FLYWCH1: variants seen among roughly 807,000 people sequenced by gnomAD.
FLYWCH1 encodes FLYWCH-type zinc finger 1, also known as FLYWCH-type zinc finger-containing protein 1.
Under a neutral mutation model 66.4 loss-of-function variants are expected in FLYWCH1, and 75 were observed. The observed-to-expected ratio is 1.13, with a 90% confidence interval of 0.94 to 1.37. The LOEUF is 1.37. FLYWCH1 is among the 40% of genes most tolerant of loss of function. The pLI, the probability that FLYWCH1 is intolerant of heterozygous loss-of-function variation, is 0.00. For missense variants in FLYWCH1, 1,334 were observed against 1,001.8 expected (o/e 1.33, Z -4.48); for synonymous variants, 595 against 429.9 (o/e 1.38, Z -4.75).
rs1158678799 is a variant in FLYWCH1, at chr16:2,929,755, C to G, written c.70C>G (p.Pro24Ala). The change falls in exon 3 of 10, where the codon CCA (proline) becomes GCA (alanine). Residue 24 changes from proline (P) to alanine (A), a missense_variant. By Grantham distance (27) the Pro-to-Ala change is conservative. Coordinates refer to ENST00000253928, the MANE Select transcript of FLYWCH1 (RefSeq NM_001308068.2). ...VKAGQEPSPKPGTDVIPAAPR... is the reference protein window; with the variant it reads ...VKAGQEPSPKAGTDVIPAAPR... ...GGCCGGCCAGGAGCCATCCCCCAAGCCAGGCACGGACGTCATCCCGGCAGC... is the reference window on the plus strand; with the variant it reads ...GGCCGGCCAGGAGCCATCCCCCAAGGCAGGCACGGACGTCATCCCGGCAGC... The G allele has an allele frequency of 6.2e-7, 1 of 1,613,862 alleles. No homozygotes were observed. Among genetic ancestry groups the G allele is most frequent in the Admixed American group, 1.7e-5 (1 of 60,024 alleles).
At chr16:2,939,529 G>A (rs566877608) in intron 8 of FLYWCH1, among the ~76,000 whole-genome samples, 11 of 75,940 alleles carry the variant, frequency 1.4e-4, no homozygotes, top group African/African-American at 5.4e-4. Context: ...TGGCCAACAT[G>A]GTGAAACCCT....
chr16:2,923,370 T>C (rs914831016), intron 2 of FLYWCH1, among the ~76,000 whole-genome samples: 3 of 152,104 alleles, frequency 2.0e-5, no homozygotes, highest in Admixed American at 1.3e-4. Flanking sequence ...CCTCAGCCTC[T>C]CGAGTAGTTG....
intron 9 of FLYWCH1, among the ~76,000 whole-genome samples, chr16:2,944,016 A>G (rs1458150757): frequency 6.6e-6 from 1 of 152,158 alleles, no homozygotes; most frequent in Non-Finnish European, 1.5e-5. Flanking sequence ...GTGTCACCTG[A>G]GCCTGGGAGG....
intron 2 of FLYWCH1, among the ~76,000 whole-genome samples, chr16:2,924,567 C>G (rs2070489480): frequency 6.6e-6 from 1 of 152,192 alleles, no homozygotes; most frequent in South Asian, 2.1e-4. Context: ...TGCACATGGC[C>G]TCTCCTACAG....
chr16:2,930,734 A>G lies in FLYWCH1; in HGVS notation c.650A>G (p.Glu217Gly). 1 of 1,553,656 alleles carries G rather than the reference A, an allele frequency of 6.4e-7. No homozygotes were observed. Among genetic ancestry groups the G allele is most frequent in the Non-Finnish European group, 8.7e-7 (1 of 1,154,032 alleles). Residue 217 changes from glutamate (E) to glycine (G), a missense_variant, in exon 4 of 10, where the codon GAG (glutamate) becomes GGG (glycine). By Grantham distance (98) the Glu-to-Gly change is moderately conservative (BLOSUM62 -2). Coordinates refer to ENST00000253928, the MANE Select transcript of FLYWCH1 (RefSeq NM_001308068.2). ...GPGGRVEEPL[E>G]GVGPWQCPEE... The stretch of plus-strand genomic sequence containing the variant: ...GGAGGCCGAGTGGAGGAGCCCCTGG[A>G]GGGGGTGGGCCCGTGGCAGTGCCCT...
chr16:2,930,465 G>T lies in FLYWCH1; in HGVS notation c.381G>T (p.Val127=). Residue 127 remains valine (V), a synonymous_variant, in exon 4 of 10, where the codon GTG becomes GTT. Coordinates refer to ENST00000253928, the MANE Select transcript of FLYWCH1 (RefSeq NM_001308068.2). The stretch of plus-strand genomic sequence containing the variant: ...CACCATTCGGGGGCCGCCTCCTGGT[G>T]CTGGAGTCCTTCCTGTACAAGCAGG... The part of the protein sequence containing the change: ...LRTPFGGRLL[V]LESFLYKQEK... 6.6e-7 allele frequency: 1 copy of T among 1,510,764 alleles called. No homozygotes were observed. Among genetic ancestry groups the T allele is most frequent in the South Asian group, 1.3e-5 (1 of 77,938 alleles). The allele number at this position is 1,510,764 out of a possible 1,614,324, so 93.6% of individuals were successfully genotyped here. A position where few individuals can be genotyped will look rare whatever the true frequency, so the allele number is the denominator to read the frequency against.
rs183810279 is a variant in FLYWCH1 at position 2,921,607 on chromosome 16, C to T, written c.-74+7318C>T. Among the ~76,000 whole-genome samples the T allele has an allele frequency of 7.4e-4, 112 of 152,106 alleles. 1 individual carries two copies. Among genetic ancestry groups the T allele is most frequent in the Admixed American group, 3.0e-3 (46 of 15,266 alleles). ...CAAAACCCCGTCTCTACAAAGAATACAGAAATTAGCCGGGCATGGTAGTGT... is the reference window on the plus strand; with the variant it reads ...CAAAACCCCGTCTCTACAAAGAATATAGAAATTAGCCGGGCATGGTAGTGT... On this transcript the variant is annotated intron_variant, in intron 2 of 9. Coordinates refer to ENST00000253928, the MANE Select transcript of FLYWCH1 (RefSeq NM_001308068.2).
rs900982823 is a variant in FLYWCH1 at position 2,933,521 on chromosome 16, C to T, written c.1188C>T (p.Asp396=). ...PRPRKRAKVE[D]QELPTQPEAP... is the part of the protein sequence containing the mutation. Reference sequence around the variant, plus strand: ...CCAGAAAGCGAGCAAAGGTCGAAGACCAGGAGCTGCCAACCCAGCCCGAGG... The same window carrying T: ...CCAGAAAGCGAGCAAAGGTCGAAGATCAGGAGCTGCCAACCCAGCCCGAGG... Residue 396 remains aspartate (D), a synonymous_variant, in exon 5 of 10, where the codon GAC becomes GAT. Transcript: ENST00000253928. The T allele has an allele frequency of 1.2e-6, 2 of 1,611,306 alleles. No homozygotes were observed. The highest frequency in any genetic ancestry group is 2.7e-5 in the African/African-American group (2 of 74,878).
intron 6 of FLYWCH1, chr16:2,936,550 C>T (rs1343294604): frequency 4.4e-6 from 2 of 455,848 alleles, no homozygotes; most frequent in Admixed American, 2.4e-5. Context: ...CACCTCCCCA[C>T]CTCTGTGGCC....
intron 2 of FLYWCH1, chr16:2,929,029 A>T (rs1226532309): frequency 1.3e-5 from 2 of 152,492 alleles, no homozygotes; most frequent in African/African-American, 4.8e-5. Flanking sequence ...TCTGCCTCCC[A>T]GGCCGTGATG....
At chr16:2,934,082 C>A (rs1342866172) in intron 6 of FLYWCH1, 103 bp downstream of exon 6, 7 of 1,342,486 alleles carry the variant, frequency 5.2e-6, no homozygotes, top group Non-Finnish European at 6.9e-6. Flanking sequence ...ACGTCCTCTT[C>A]CCTTCTTTGA....
At chr16:2,912,831 C>T (rs1276853848) in intron 1 of FLYWCH1, among the ~76,000 whole-genome samples, 2 of 152,190 alleles carry the variant, frequency 1.3e-5, no homozygotes, top group Non-Finnish European at 2.9e-5. Context: ...TCCTTTATTC[C>T]TTGTACTGGA....
intron 6 of FLYWCH1, chr16:2,934,968 G>C (rs4786354): frequency 5.9e-6 from 1 of 170,358 alleles, no homozygotes; most frequent in African/African-American, 2.6e-5. Context: ...TTATCACCCA[G>C]GCTGGTGTGC....
At position 2,938,217 on chromosome 16, in the gene FLYWCH1, C is replaced by G. The variant is rs760958153; in HGVS notation, c.1811C>G (p.Ser604Cys). The G allele has an allele frequency of 6.2e-7, 1 of 1,613,070 alleles. No individual in the cohort carries two copies. The stretch of plus-strand genomic sequence containing the variant: ...CGGCCCCTGGAGTTCCTGAGGACTT[C>G]CCTGGGGGGCAGGTTCCTGGTGCAC... Reference protein sequence around the residue: ...PLRPLEFLRTSLGGRFLVHES... With the variant: ...PLRPLEFLRTCLGGRFLVHES... The change falls in exon 8 of 10, where the codon TCC (serine) becomes TGC (cysteine). Residue 604 changes from serine (S) to cysteine (C), a missense_variant. Coordinates refer to ENST00000253928, the MANE Select transcript of FLYWCH1 (RefSeq NM_001308068.2).
At chr16:2,932,380 A>G (rs1318932804) in intron 4 of FLYWCH1, among the ~76,000 whole-genome samples, 1 of 151,702 alleles carries the variant, frequency 6.6e-6, no homozygotes, top group Non-Finnish European at 1.5e-5. Context: ...GCCTCAGAAA[A>G]TTGGCTTAAT....
chr16:2,936,839 G>GACGAC, intron 6 of FLYWCH1: 1 of 617,550 alleles, frequency 1.6e-6, no homozygotes, highest in African/African-American at 1.8e-5. Context: ...GGACGGACGA[G>GACGAC]TGACGCAGCA....
chr16:2,938,060 A>G, intron 7 of FLYWCH1, 124 bp from the exon 8 acceptor site: 1 of 926,258 alleles, frequency 1.1e-6, no homozygotes, highest in Non-Finnish European at 1.6e-6. Context: ...GGCAGGGACC[A>G]CCGTGCAGCG....
At chr16:2,940,524 C>G (rs2071217060) in intron 9 of FLYWCH1, among the ~76,000 whole-genome samples, 1 of 152,168 alleles carries the variant, frequency 6.6e-6, no homozygotes, top group South Asian at 2.1e-4. Context: ...CAAACTCTAC[C>G]TTCCGGGTTC....
chr16:2,942,660 G>A (rs1317975473), intron 9 of FLYWCH1, among the ~76,000 whole-genome samples: 1 of 36,552 alleles, frequency 2.7e-5, no homozygotes, highest in Non-Finnish European at 5.0e-5. Flanking sequence ...CAGCAGGCCT[G>A]AGACTGCTGC....
Sources: allele counts gnomAD v4.1 joint callset (sites outside exome capture counted in the v4.1 genomes callset), GRCh38; gene constraint gnomAD v4.1.1; transcripts MANE v1.5; gene names NCBI Gene and HGNC (gene_info 2026-07-23, HGNC 2026-07-21).